Variants in CHMP4B observed in about 807,000 individuals in gnomAD.
CHMP4B encodes charged multivesicular body protein 4B, also known as SNF7 homolog associated with Alix 1.
A neutral mutation model predicts 25.1 loss-of-function variants in CHMP4B; 1 was observed. The observed-to-expected ratio is 0.04, with a 90% CI of 0.01 to 0.19. The LOEUF (loss-of-function observed/expected upper bound fraction) is 0.19. Ranked by LOEUF, CHMP4B falls within the 10% of genes least tolerant of loss-of-function variation. The pLI, the probability that CHMP4B is intolerant of heterozygous loss-of-function variation, is 1.00. For missense variants in CHMP4B, 151 were observed against 289.7 expected (o/e 0.52, Z 3.48); for synonymous variants, 101 against 115.6 (o/e 0.87, Z 0.81).
chr20:33,831,520 G>A (rs1305622414), intron 1 of CHMP4B, among the ~76,000 whole-genome samples: 1 of 152,182 alleles, frequency 6.6e-6, no homozygotes, highest in African/African-American at 2.4e-5. Context: ...GTTAGCCACC[G>A]TGCCTGGCTG....
chr20:33,836,705 G>C (rs1403439365), intron 1 of CHMP4B, among the ~76,000 whole-genome samples: 1 of 151,996 alleles, frequency 6.6e-6, no homozygotes, highest in Non-Finnish European at 1.5e-5. Context: ...AGCTGCGTTG[G>C]TCTCCCCAGA....
At chr20:33,818,984 A>T (rs1239733201) in intron 1 of CHMP4B, among the ~76,000 whole-genome samples, 1 of 151,062 alleles carries the variant, frequency 6.6e-6, no homozygotes, top group African/African-American at 2.4e-5. Context: ...ATCTCATCTC[A>T]CTGCAACCTC....
intron 2 of CHMP4B, among the ~76,000 whole-genome samples, chr20:33,848,920 C>T (rs968668137): frequency 1.3e-5 from 2 of 152,122 alleles, no homozygotes; most frequent in African/African-American, 4.8e-5. Flanking sequence ...CTTGTCCAGA[C>T]CTGTGAATGT....
At chr20:33,834,258 G>A (rs958961880) in intron 1 of CHMP4B, among the ~76,000 whole-genome samples, 2 of 151,516 alleles carry the variant, frequency 1.3e-5, no homozygotes, top group Admixed American at 6.6e-5. Context: ...TTTTCACTTC[G>A]ATCTTTATTC....
In CHMP4B at chr20:33,842,306, G is replaced by A. The variant is rs547729575; in HGVS notation, c.191-6161G>A. 9.2e-5 allele frequency among the ~76,000 whole-genome samples: 14 copies of A among 152,184 alleles called. No individual in the cohort carries two copies. The East Asian group carries it at 2.1e-3, about 23-fold the overall frequency. The stretch of plus-strand genomic sequence containing the variant: ...TGGGCATGTTCAGGGTGGTATGGCC[G>A]TAGACTTGATTTTGGGTCTTTTCTT... On this transcript the variant is annotated intron_variant, in intron 1 of 4. Transcript: ENST00000217402.
intron 1 of CHMP4B, among the ~76,000 whole-genome samples, chr20:33,837,102 G>C (rs969463279): frequency 2.1e-4 from 32 of 152,316 alleles, no homozygotes; most frequent in African/African-American, 7.7e-4. Context: ...ACGAGGCTCA[G>C]AACAGGTGTT....
rs753653068 is a variant in CHMP4B at position 33,848,554 on chromosome 20, G to A, written c.278G>A (p.Arg93Gln). 5 of 1,614,088 alleles carry A rather than the reference G, an allele frequency of 3.1e-6. No homozygotes were observed. Among genetic ancestry groups the A allele is most frequent in the African/African-American group, 1.3e-5 (1 of 74,926 alleles). ...DGTLSTIEFQ[R>Q]EALENANTNT... ...ACATTATCAACCATCGAGTTCCAGC[G>A]GGAGGCCCTGGAGAATGCCAACACC... Residue 93 changes from arginine to glutamine, a missense_variant, in exon 2 of 5, where the codon CGG (arginine) becomes CAG (glutamine). Around this residue, in one of 3 missense-constraint regions of CHMP4B, gnomAD observed 82 missense variants for 208.3 expected, o/e 0.39. Coordinates refer to ENST00000217402, the MANE Select transcript of CHMP4B (RefSeq NM_176812.5).
intron 4 of CHMP4B, among the ~76,000 whole-genome samples, chr20:33,853,127 C>T (rs981918368): frequency 1.4e-4 from 21 of 152,166 alleles, no homozygotes; most frequent in African/African-American, 4.8e-4. Flanking sequence ...ATGAGTCAAG[C>T]CACTTGAGGT....
intron 1 of CHMP4B, among the ~76,000 whole-genome samples, chr20:33,846,245 C>T (rs1247830463): frequency 6.6e-6 from 1 of 152,222 alleles, no homozygotes; most frequent in Non-Finnish European, 1.5e-5. Context: ...ATCTCTGAAC[C>T]TCAGTTTCCT....
intron 1 of CHMP4B, among the ~76,000 whole-genome samples, chr20:33,841,583 A>G (rs1324645421): frequency 2.0e-5 from 3 of 152,310 alleles, no homozygotes; most frequent in South Asian, 2.1e-4. Context: ...CTGTTTGCCC[A>G]TGCTGTCCCA....
chr20:33,819,831 T>A (rs1241410348), intron 1 of CHMP4B, among the ~76,000 whole-genome samples: 1 of 152,190 alleles, frequency 6.6e-6, no homozygotes, highest in African/African-American at 2.4e-5. Flanking sequence ...ACAAGCTTTC[T>A]GCTCAAAGTG....
chr20:33,833,863 C>T (rs1164170925), intron 1 of CHMP4B, among the ~76,000 whole-genome samples: 1 of 152,200 alleles, frequency 6.6e-6, no homozygotes, highest in Non-Finnish European at 1.5e-5. Flanking sequence ...ATCTGCTGGC[C>T]TGTGAATTCC....
rs74683732 is a variant in CHMP4B at position 33,853,408 on chromosome 20, C to T, written c.611-88C>T. On this transcript the variant is annotated intron_variant, in intron 4 of 4. Transcript: ENST00000217402. The stretch of plus-strand genomic sequence containing the variant: ...CCACAGGGCAGGGCTGTTTGACAGA[C>T]ACCATGGAGCACAGGCAGCCCTCAT... 6.5e-6 allele frequency: 8 copies of T among 1,234,896 alleles called. No individual in the cohort carries two copies. In the African/African-American group the frequency reaches 8.9e-5, roughly 14 times the overall value. 76.5% of individuals were successfully genotyped at this position (1,234,896 alleles called of 1,614,324 possible).
intron 1 of CHMP4B, among the ~76,000 whole-genome samples, chr20:33,841,000 A>G (rs1475048320): frequency 1.3e-5 from 2 of 152,160 alleles, no homozygotes; most frequent in Non-Finnish European, 2.9e-5. Context: ...GCATTTCCTA[A>G]GCTTGTTTGA....
At chr20:33,831,516 C>T in intron 1 of CHMP4B, among the ~76,000 whole-genome samples, 1 of 152,200 alleles carries the variant, frequency 6.6e-6, no homozygotes, top group East Asian at 1.9e-4. Flanking sequence ...AGGTGTTAGC[C>T]ACCGTGCCTG....
At chr20:33,845,569 C>T (rs1979666638) in intron 1 of CHMP4B, among the ~76,000 whole-genome samples, 1 of 152,084 alleles carries the variant, frequency 6.6e-6, no homozygotes, top group Non-Finnish European at 1.5e-5. Context: ...GTGATCCACC[C>T]ACCTCGGCCT....
chr20:33,830,195 TTGGTGGTTCCCTCAGCATA>T (rs1331215213), intron 1 of CHMP4B, among the ~76,000 whole-genome samples: 2 of 151,984 alleles, frequency 1.3e-5, no homozygotes, highest in Non-Finnish European at 2.9e-5. Context: ...GCAGAAGCAT[TTGGTGGTTCCCTCAGCATA>T]TGGAGCCAGG....
intron 1 of CHMP4B, among the ~76,000 whole-genome samples, chr20:33,834,861 G>A (rs776579616): frequency 2.6e-5 from 4 of 152,082 alleles, no homozygotes; most frequent in East Asian, 1.9e-4. Flanking sequence ...GTGCTGTGAC[G>A]TGTTCTCAGC....
At chr20:33,828,202 C>T (rs1371886723) in intron 1 of CHMP4B, among the ~76,000 whole-genome samples, 2 of 152,174 alleles carry the variant, frequency 1.3e-5, no homozygotes, top group East Asian at 1.9e-4. Context: ...AACTTTAGCA[C>T]ACATCTTGTC....
Sources: gnomAD v4.1 joint callset for allele counts (sites outside exome capture counted in the v4.1 genomes callset) on GRCh38, gnomAD v4.1.1 for gene constraint, gnomAD v4.1.1 regional missense constraint, MANE v1.5 for transcripts, NCBI Gene and HGNC (gene_info 2026-07-23, HGNC 2026-07-21) for gene names.